IP6K3: variants seen among roughly 807,000 people sequenced by gnomAD.
The protein encoded by IP6K3 is inositol hexakisphosphate kinase 3.
Under a neutral mutation model 28.8 loss-of-function variants are expected in IP6K3, and 20 were observed. That is an observed-to-expected ratio of 0.70 (90% CI 0.49 to 1.01). IP6K3 has a LOEUF of 1.01. IP6K3 is among the 50% of genes least tolerant of loss of function. IP6K3 has a pLI of 0.00. For missense variants in IP6K3, 480 were observed against 537.1 expected, an observed-to-expected ratio of 0.89 and a Z score of 1.05; for synonymous variants, 213 against 221.3, an observed-to-expected ratio of 0.96 and a Z score of 0.33.
intron 2 of IP6K3, among the ~76,000 whole-genome samples, chr6:33,732,560 G>A (rs1303838184): frequency 6.6e-6 from 1 of 152,168 alleles, no homozygotes; most frequent in Non-Finnish European, 1.5e-5. Flanking sequence ...GAGTGGAGCT[G>A]GCCCATGTGG....
At position 33,735,431 on chromosome 6, in the gene IP6K3, C is replaced by T. The variant is rs140402994; in HGVS notation, c.46G>A (p.Val16Met). Residue 16 changes from valine to methionine, a missense_variant, in exon 2 of 6, where the codon GTG becomes ATG. By Grantham distance (21) the Val-to-Met change is conservative. Coordinates refer to ENST00000293756, the MANE Select transcript of IP6K3 (RefSeq NM_054111.5). ...TGGTGCAGGAAGGGCTCCAGCTGCA[C>T]GCCTGCCCTCATGTCCCCGGCGTCT... is the stretch of plus-strand genomic sequence containing the variant. ...SADAGDMRAG[V>M]QLEPFLHQVG... 82 of 1,610,114 alleles carry T rather than the reference C, an allele frequency of 5.1e-5. No homozygotes were observed. Among genetic ancestry groups the T allele is most frequent in the Admixed American group, 8.4e-5 (5 of 59,700 alleles).
chr6:33,759,179 G>A, the IP6K3 span, among the ~76,000 whole-genome samples: 226 of 152,352 alleles, frequency 1.5e-3, no homozygotes, highest in African/African-American at 5.1e-3. Flanking sequence ...AACTGAGTCG[G>A]CCAACAGAGG....
chr6:33,727,209 T>C (rs1766151705), intron 3 of IP6K3, among the ~76,000 whole-genome samples: 2 of 152,134 alleles, frequency 1.3e-5, no homozygotes, highest in Admixed American at 1.3e-4. Flanking sequence ...TTAATGGCCT[T>C]ATTATTGAGG....
At chr6:33,737,440 G>A (rs1766567539) in intron 1 of IP6K3, among the ~76,000 whole-genome samples, 1 of 152,278 alleles carries the variant, frequency 6.6e-6, no homozygotes, top group South Asian at 2.1e-4. Context: ...GATGCCACCA[G>A]GCTGGGCAGT....
chr6:33,757,711 G>A, the IP6K3 span, among the ~76,000 whole-genome samples: 1 of 152,162 alleles, frequency 6.6e-6, no homozygotes, highest in Admixed American at 6.5e-5. Context: ...AACTAAATGT[G>A]ATAGCAAAGG....
At chr6:33,756,118 C>T in the IP6K3 span, among the ~76,000 whole-genome samples, 2 of 152,184 alleles carry the variant, frequency 1.3e-5, no homozygotes, top group Non-Finnish European at 2.9e-5. Context: ...CCTGCCCTGG[C>T]CTCCCAAAAT....
intron 1 of IP6K3, among the ~76,000 whole-genome samples, chr6:33,739,492 G>A (rs769813982): frequency 6.6e-6 from 1 of 152,290 alleles, no homozygotes; most frequent in African/African-American, 2.4e-5. Flanking sequence ...GGGTTTCGCC[G>A]CTGCTCGGGA....
intron 2 of IP6K3, among the ~76,000 whole-genome samples, chr6:33,732,657 G>A (rs1252796284): frequency 6.6e-6 from 1 of 152,226 alleles, no homozygotes; most frequent in Non-Finnish European, 1.5e-5. Flanking sequence ...AGGCATGCCA[G>A]GTAACCTCTC....
chr6:33,761,949 C>T, the IP6K3 span, among the ~76,000 whole-genome samples: 1 of 152,102 alleles, frequency 6.6e-6, no homozygotes. Context: ...CTGTGTGGCA[C>T]TCAGAAGGGG....
Position 33,722,967 on chromosome 6 carries a change from A to G in IP6K3, c.986T>C (p.Ile329Thr), listed in dbSNP as rs778400529. The change falls in exon 6 of 6, where the codon ATC (isoleucine) becomes ACC (threonine). Residue 329 changes from isoleucine to threonine, a missense_variant. Physicochemically the swap from Ile to Thr is moderately conservative, Grantham distance 89 (BLOSUM62 -1). Transcript: ENST00000293756. The part of the protein sequence containing the change: ...YRFYSSSLLV[I>T]YDGQEPPERA... ...TTCTGGTGGTTCCTGCCCATCATAG[A>G]TGACAAGGAGAGAGCTGGAATAGAA... 1.7e-5 allele frequency: 28 copies of G among 1,613,900 alleles called. No individual in the cohort carries two copies. In the Admixed American group the frequency reaches 2.5e-4, roughly 14 times the overall value.
At chr6:33,750,827 C>T (rs2127370540), upstream of IP6K3, among the ~76,000 whole-genome samples, 1 of 152,272 alleles carries the variant, frequency 6.6e-6, no homozygotes, top group Admixed American at 6.5e-5. This position sits in a 1 kb window ranked among gnomAD's most constrained non-coding sequence, Gnocchi z 4.3. Flanking sequence ...TCTGTGGCAT[C>T]ATCCCTCCTC....
chr6:33,721,756 C>T lies in IP6K3; in HGVS notation c.*964G>A, dbSNP rs1030765431. On this transcript the variant is annotated 3_prime_UTR_variant, in exon 6 of 6. Transcript: ENST00000293756. ...ACTCAAGGGCATCGTAATAGGTTTC[C>T]ATACTGCAGAAGAAGGAATTAATTA... 6.6e-6 allele frequency: 1 copy of T among 152,536 alleles called. No homozygotes were observed. Among genetic ancestry groups the T allele is most frequent in the Admixed American group, 6.6e-5 (1 of 15,262 alleles). The allele number at this position is 152,536 out of a possible 1,614,324, so 9.4% of individuals were successfully genotyped here.
chr6:33,761,566 C>T, the IP6K3 span, among the ~76,000 whole-genome samples: 43 of 152,022 alleles, frequency 2.8e-4, no homozygotes, highest in Admixed American at 4.6e-4. Flanking sequence ...AGCAATAAGC[C>T]CCTCATCTTC....
At chr6:33,730,951 C>T (rs1466818249) in intron 2 of IP6K3, among the ~76,000 whole-genome samples, 1 of 152,208 alleles carries the variant, frequency 6.6e-6, no homozygotes, top group African/African-American at 2.4e-5. Context: ...ATTCCCTCCC[C>T]TCAGGGAGGG....
At chr6:33,738,677 C>T (rs1359500711) in intron 1 of IP6K3, among the ~76,000 whole-genome samples, 1 of 152,182 alleles carries the variant, frequency 6.6e-6, no homozygotes, top group Non-Finnish European at 1.5e-5. Context: ...TGAACCCAGG[C>T]ATGGTAGCCC....
At position 33,726,848 on chromosome 6, in the gene IP6K3, C is replaced by T. The variant is rs1290115741; in HGVS notation, c.472G>A (p.Val158Met). 6.2e-7 allele frequency: 1 copy of T among 1,613,482 alleles called. No homozygotes were observed. Among genetic ancestry groups the T allele is most frequent in the Non-Finnish European group, 8.5e-7 (1 of 1,179,552 alleles). The change falls in exon 4 of 6, where the codon GTG (valine) becomes ATG (methionine). Residue 158 changes from valine to methionine, a missense_variant. Physicochemically the swap from Val to Met is conservative, Grantham distance 21 (BLOSUM62 1). Coordinates refer to ENST00000293756, the MANE Select transcript of IP6K3 (RefSeq NM_054111.5). ...ACCTGGTTTCCGTTGGTGTCTTCCA[C>T]CAGCGAGAAGGCTGGAGTGTTGAGG... Reference protein sequence around the residue: ...PHLNTPAFSLVEDTNGNQVER... With the variant: ...PHLNTPAFSLMEDTNGNQVER...
At chr6:33,725,782 G>T (rs745919273) in intron 4 of IP6K3, among the ~76,000 whole-genome samples, 166 bp from the exon 5 acceptor site, 1 of 152,200 alleles carries the variant, frequency 6.6e-6, no homozygotes, top group Non-Finnish European at 1.5e-5. Flanking sequence ...TTAAGAATTT[G>T]AAGTATTAGC....
At chr6:33,725,670 C>T in intron 4 of IP6K3, 54 bp from the exon 5 acceptor site, 1 of 1,543,064 alleles carries the variant, frequency 6.5e-7, no homozygotes, top group Non-Finnish European at 8.9e-7. Flanking sequence ...GCTGCTCCGC[C>T]AGAGGTCGTT....
intron 1 of IP6K3, among the ~76,000 whole-genome samples, chr6:33,739,594 G>T (rs1023842505): frequency 6.6e-6 from 1 of 152,220 alleles, no homozygotes; most frequent in Non-Finnish European, 1.5e-5. Context: ...TTTGTGTGTG[G>T]CCTCCAGCTC....
Sources: gnomAD v4.1 joint callset for allele counts (sites outside exome capture counted in the v4.1 genomes callset) on GRCh38, gnomAD v4.1.1 for gene constraint, Gnocchi (gnomAD v3.1) non-coding constraint, MANE v1.5 for transcripts, NCBI Gene and HGNC (gene_info 2026-07-23, HGNC 2026-07-21) for gene names.